CCN4: variants seen among roughly 807,000 people sequenced by gnomAD.
The protein encoded by CCN4 is cellular communication network factor 4.
A neutral mutation model predicts 36.7 loss-of-function variants in CCN4; 30 were observed. That is an observed-to-expected ratio of 0.82 (90% CI 0.61 to 1.11). The LOEUF is 1.11. Among genes scored for constraint, CCN4 ranks in the 50% least tolerant of loss-of-function variants. The pLI is 0.00. For missense variants in CCN4, 505 were observed against 504.9 expected, an observed-to-expected ratio of 1.00 and a Z score of 0.00; for synonymous variants, 191 against 195.4, an observed-to-expected ratio of 0.98 and a Z score of 0.19.
At chr8:133,226,511 G>T (rs537479455) in intron 4 of CCN4, among the ~76,000 whole-genome samples, 32 of 151,718 alleles carry the variant, frequency 2.1e-4, no homozygotes, top group Non-Finnish European at 4.1e-4. Context: ...TGTAATACTA[G>T]CTTTTGTATT....
At chr8:133,194,040 T>G (rs1853213311) in intron 1 of CCN4, among the ~76,000 whole-genome samples, 1 of 152,138 alleles carries the variant, frequency 6.6e-6, no homozygotes, top group African/African-American at 2.4e-5. Flanking sequence ...TCCCTGCTGC[T>G]GAACGTGAAA....
chr8:133,203,658 G>C (rs1352409029), intron 1 of CCN4, among the ~76,000 whole-genome samples: 1 of 152,184 alleles, frequency 6.6e-6, no homozygotes, highest in Non-Finnish European at 1.5e-5. Flanking sequence ...GGGAGTGGCA[G>C]GAGGTTGGGG....
chr8:133,210,383 AG>A lies in CCN4; in HGVS notation c.70-2477del, dbSNP rs1304040277. Among the ~76,000 whole-genome samples, 16 of 135,850 alleles carry A rather than the reference AG, an allele frequency of 1.2e-4. No individual in the cohort carries two copies. The East Asian group carries it at 1.7e-3, about 15-fold the overall frequency. 89.1% of individuals were successfully genotyped at this position (135,850 alleles called of 152,430 possible). ...AATGTCTCTCCCCAAAGTCAAAAAG[AG>A]GGGTGTGTGTGTGTGTGTGTGTGTG... On this transcript the variant is annotated intron_variant, in intron 1 of 4. Transcript: ENST00000250160.
intron 3 of CCN4, among the ~76,000 whole-genome samples, chr8:133,222,495 G>A (rs1433454210): frequency 6.6e-6 from 1 of 151,736 alleles, no homozygotes; most frequent in Non-Finnish European, 1.5e-5. Flanking sequence ...AAATAGGAGA[G>A]CTCTGAAGTC....
intron 1 of CCN4, among the ~76,000 whole-genome samples, chr8:133,209,215 C>T (rs547386220): frequency 3.3e-5 from 5 of 152,268 alleles, no homozygotes; most frequent in Non-Finnish European, 7.4e-5. Context: ...GAGGATTGAT[C>T]GATTATCACG....
At chr8:133,223,283 C>T (rs1263963765) in intron 3 of CCN4, among the ~76,000 whole-genome samples, 2 of 152,072 alleles carry the variant, frequency 1.3e-5, no homozygotes, top group African/African-American at 2.4e-5. Context: ...CGAGCACAAG[C>T]GGAGCCCCTG....
rs185849289 is a variant in CCN4, at chr8:133,229,228, G to A, written c.*1518G>A. On this transcript the variant is annotated 3_prime_UTR_variant, in exon 5 of 5. Coordinates refer to ENST00000250160, the MANE Select transcript of CCN4 (RefSeq NM_003882.4). ...GACTGGGAAAGTTAGGATTCAGATCGAAATTGGACTGTCTTTATAACCCAT... is the reference window on the plus strand; with the variant it reads ...GACTGGGAAAGTTAGGATTCAGATCAAAATTGGACTGTCTTTATAACCCAT... 2 of 152,298 alleles carry A rather than the reference G, an allele frequency of 1.3e-5. No homozygotes were observed. Among genetic ancestry groups the A allele is most frequent in the East Asian group, 3.9e-4 (2 of 5,184 alleles). The allele number at this position is 152,298 out of a possible 1,614,324, so 9.4% of individuals were successfully genotyped here.
chr8:133,213,834 T>C (rs79058767), intron 2 of CCN4, among the ~76,000 whole-genome samples: 2,140 of 136,018 alleles, frequency 0.016, 21 homozygotes, highest in African/African-American at 0.021. Flanking sequence ...AGTAGTTAAA[T>C]ATACTATATA....
chr8:133,196,488 A>G (rs1853388306), intron 1 of CCN4, among the ~76,000 whole-genome samples: 1 of 152,226 alleles, frequency 6.6e-6, no homozygotes, highest in African/African-American at 2.4e-5. Flanking sequence ...TACCGCTACT[A>G]GAAAATGTAA....
chr8:133,212,487 T>C (rs901026529), intron 1 of CCN4, among the ~76,000 whole-genome samples: 1 of 151,978 alleles, frequency 6.6e-6, no homozygotes, highest in Non-Finnish European at 1.5e-5. Context: ...CGCAGCCACA[T>C]GACTCACAGC....
intron 1 of CCN4, 90 bp from the exon 2 acceptor site, chr8:133,212,774 G>A: frequency 2.0e-6 from 2 of 992,256 alleles, no homozygotes; most frequent in Non-Finnish European, 1.5e-6. Flanking sequence ...CTTTTGAACA[G>A]CATGAGGACA....
At position 133,227,797 on chromosome 8, in the gene CCN4, CT is replaced by C; in HGVS notation, c.*89del. On this transcript the variant is annotated 3_prime_UTR_variant, in exon 5 of 5. Coordinates refer to ENST00000250160, the MANE Select transcript of CCN4 (RefSeq NM_003882.4). ...GGCCAATAACTTTTCACCAATGAGC[CT>C]TAGTTACCCTGATCTGGACCCTTGG... The C allele has an allele frequency of 7.1e-7, 1 of 1,417,986 alleles. No homozygotes were observed. The highest frequency in any genetic ancestry group is 9.6e-7 in the Non-Finnish European group (1 of 1,045,370). 87.8% of individuals were successfully genotyped at this position (1,417,986 alleles called of 1,614,324 possible). A position where few individuals can be genotyped will look rare whatever the true frequency, so the allele number is the denominator to read the frequency against.
At chr8:133,212,128 C>T (rs528355950) in intron 1 of CCN4, among the ~76,000 whole-genome samples, 3 of 152,064 alleles carry the variant, frequency 2.0e-5, no homozygotes, top group South Asian at 2.1e-4. Flanking sequence ...GGGAGGAGTG[C>T]GGGTTGGTAG....
rs566840021 is a variant in CCN4, at chr8:133,226,944, C to G, written c.805-467C>G. On this transcript the variant is annotated intron_variant, in intron 4 of 4. Transcript: ENST00000250160. ...ACCTTTAATGTCAACCATTTGAATACGTTGAATACTAAAGGTATGTGTGAA... is the reference window on the plus strand; with the variant it reads ...ACCTTTAATGTCAACCATTTGAATAGGTTGAATACTAAAGGTATGTGTGAA... Among the ~76,000 whole-genome samples, 4 of 152,268 alleles carry G rather than the reference C, an allele frequency of 2.6e-5. No homozygotes were observed. In the South Asian group the frequency reaches 6.2e-4, roughly 24 times the overall value.
intron 1 of CCN4, among the ~76,000 whole-genome samples, chr8:133,194,938 GGTGT>G (rs944023340): frequency 7.0e-6 from 1 of 143,112 alleles, no homozygotes; most frequent in Admixed American, 6.9e-5. Flanking sequence ...TTGTGTGTGT[GGTGT>G]GTGTGTGGTG....
intron 1 of CCN4, among the ~76,000 whole-genome samples, chr8:133,208,817 G>A (rs1464174900): frequency 6.6e-6 from 1 of 152,154 alleles, no homozygotes; most frequent in Non-Finnish European, 1.5e-5. Context: ...AGGCAGGTCT[G>A]CTTGGCTCTC....
chr8:133,216,089 A>T (rs1414164488), intron 2 of CCN4, among the ~76,000 whole-genome samples: 2 of 152,104 alleles, frequency 1.3e-5, no homozygotes, highest in African/African-American at 4.8e-5. Flanking sequence ...TCTATTGAAC[A>T]TGTTCCCGGA....
chr8:133,211,420 A>G (rs1854026856), intron 1 of CCN4, among the ~76,000 whole-genome samples: 1 of 152,264 alleles, frequency 6.6e-6, no homozygotes, highest in African/African-American at 2.4e-5. Flanking sequence ...AGAACCCAGA[A>G]GAGGCAAAAG....
chr8:133,213,388 T>C (rs1014178610), intron 2 of CCN4, among the ~76,000 whole-genome samples: 9 of 152,150 alleles, frequency 5.9e-5, no homozygotes, highest in African/African-American at 2.2e-4. Context: ...GGCACATTCA[T>C]GGCTGTCCCC....
Sources: allele counts gnomAD v4.1 joint callset (sites outside exome capture counted in the v4.1 genomes callset), GRCh38; gene constraint gnomAD v4.1.1; transcripts MANE v1.5; gene names NCBI Gene and HGNC (gene_info 2026-07-23, HGNC 2026-07-21).